DPP10: variants seen among roughly 807,000 people sequenced by gnomAD.
DPP10 encodes the protein dipeptidyl peptidase like 10.
A neutral mutation model predicts 120.9 loss-of-function variants in DPP10; 33 were observed. That is an observed-to-expected ratio of 0.27 (90% CI 0.21 to 0.37). DPP10 has a LOEUF of 0.37. Ranked by LOEUF, DPP10 falls within the 10% of genes least tolerant of loss-of-function variation. The pLI is 1.00. For missense variants in DPP10, 816 were observed against 942.8 expected, an observed-to-expected ratio of 0.87 and a Z score of 1.76; for synonymous variants, 337 against 326.1, an observed-to-expected ratio of 1.03 and a Z score of -0.36.
intron 1 of DPP10, among the ~76,000 whole-genome samples, chr2:114,517,970 T>C (rs1334869689): frequency 8.5e-5 from 13 of 152,182 alleles, no homozygotes; most frequent in Admixed American, 8.5e-4. Flanking sequence ...AGTCATTTCA[T>C]TTGTAGAGTC....
At chr2:115,022,500 G>A (rs1446213443) in intron 1 of DPP10, among the ~76,000 whole-genome samples, 1 of 152,016 alleles carries the variant, frequency 6.6e-6, no homozygotes, top group East Asian at 1.9e-4. Flanking sequence ...AGAAAACATA[G>A]ATGACACACA....
chr2:115,135,417 A>G lies in DPP10; in HGVS notation c.61-173822A>G, dbSNP rs187466323. ...TATTAATTATTACTTTCCTTATAAT[A>G]GCACCTCACCCATCTGTTTTATCCA... On this transcript the variant is annotated intron_variant, in intron 1 of 25. Transcript: ENST00000410059. Among the ~76,000 whole-genome samples the G allele has an allele frequency of 3.6e-3, 553 of 152,232 alleles. 5 individuals carry two copies. The highest frequency in any genetic ancestry group is 0.013 in the African/African-American group (531 of 41,526).
intron 3 of DPP10, among the ~76,000 whole-genome samples, chr2:115,407,160 C>T (rs777307171): frequency 6.6e-6 from 1 of 152,204 alleles, no homozygotes; most frequent in Non-Finnish European, 1.5e-5. Flanking sequence ...TCCTGAGCCT[C>T]TACCCTGTCT....
chr2:115,033,695 TCC>T (rs146694006), intron 1 of DPP10, among the ~76,000 whole-genome samples: 28 of 45,030 alleles, frequency 6.2e-4, no homozygotes, highest in South Asian at 1.7e-3. Flanking sequence ...ATATCTTCCC[TCC>T]TTTTTTTTTT....
chr2:114,834,504 C>T (rs141187974), intron 1 of DPP10, among the ~76,000 whole-genome samples: 34,383 of 145,560 alleles, frequency 0.24, 4,648 homozygotes, highest in East Asian at 0.34. Flanking sequence ...TATCTACGCA[C>T]CTATGTATAT....
At chr2:114,732,464 G>A (rs962401424) in intron 1 of DPP10, among the ~76,000 whole-genome samples, 7 of 152,200 alleles carry the variant, frequency 4.6e-5, no homozygotes, top group Non-Finnish European at 1.0e-4. Flanking sequence ...CACACACTGT[G>A]TGGGGATTGG....
chr2:115,145,806 G>T (rs1056974311), intron 1 of DPP10, among the ~76,000 whole-genome samples: 1 of 152,044 alleles, frequency 6.6e-6, no homozygotes, highest in Non-Finnish European at 1.5e-5. Flanking sequence ...ATTCGTGTCA[G>T]AATTTAGTGT....
intron 3 of DPP10, among the ~76,000 whole-genome samples, chr2:115,407,725 C>T (rs2068629382): frequency 6.6e-6 from 1 of 152,098 alleles, no homozygotes. Context: ...TTCTGGGTCC[C>T]CTTCCCCTGA....
chr2:114,555,724 A>G (rs1045835798), intron 1 of DPP10, among the ~76,000 whole-genome samples: 10 of 152,308 alleles, frequency 6.6e-5, no homozygotes, highest in South Asian at 6.2e-4. Context: ...GGTATAATAA[A>G]CTTCATATTT....
At chr2:115,436,630 A>G (rs1013339272) in intron 3 of DPP10, among the ~76,000 whole-genome samples, 3 of 151,868 alleles carry the variant, frequency 2.0e-5, no homozygotes, top group Non-Finnish European at 4.4e-5. Context: ...CCCATTTAGA[A>G]TCTTGGCAAG....
intron 5 of DPP10, among the ~76,000 whole-genome samples, chr2:115,681,400 A>C (rs1181546817): frequency 6.6e-6 from 1 of 151,758 alleles, no homozygotes; most frequent in Non-Finnish European, 1.5e-5. Flanking sequence ...ATTATGTATG[A>C]GGGTATAGTG....
chr2:115,544,899 G>GT (rs1012565212), intron 5 of DPP10, among the ~76,000 whole-genome samples: 2 of 152,042 alleles, frequency 1.3e-5, no homozygotes, highest in African/African-American at 2.4e-5. Flanking sequence ...GTTAAATACA[G>GT]AAAAGAGGCT....
rs1700216078 is a variant in DPP10 at position 114,983,560 on chromosome 2, G to T, written c.61-325679G>T. On this transcript the variant is annotated intron_variant, in intron 1 of 25. Transcript: ENST00000410059. ...CCATTAAGCTATTATAATATAAATT[G>T]CATTCCCCTAAGGTCATTTTAGCCT... Among the ~76,000 whole-genome samples, 3 of 152,046 alleles carry T rather than the reference G, an allele frequency of 2.0e-5. No homozygotes were observed. In the South Asian group the frequency reaches 6.2e-4, roughly 32 times the overall value.
At chr2:114,510,255 C>G (rs1342549208) in intron 1 of DPP10, among the ~76,000 whole-genome samples, 1 of 152,214 alleles carries the variant, frequency 6.6e-6, no homozygotes, top group East Asian at 1.9e-4. Flanking sequence ...CTTTTCTCAA[C>G]TTGGGCCTTC....
At chr2:114,635,125 A>G (rs991869417) in intron 1 of DPP10, among the ~76,000 whole-genome samples, 1 of 150,454 alleles carries the variant, frequency 6.6e-6, no homozygotes, top group African/African-American at 2.5e-5. Flanking sequence ...TAACTTCCTC[A>G]TTGTTTTTTT....
In DPP10 at chr2:115,790,013, G is replaced by T. The variant is rs114356803; in HGVS notation, c.1532-1068G>T. 7.1e-3 allele frequency among the ~76,000 whole-genome samples: 1,074 copies of T among 151,242 alleles called. 6 individuals carry two copies. Among genetic ancestry groups the T allele is most frequent in the Middle Eastern group, 0.014 (4 of 282 alleles). ...AATATGTACACATGGATATATGTGT[G>T]TACAATATGTATATATGCAAACATA... On this transcript the variant is annotated intron_variant, in intron 17 of 25. Coordinates refer to ENST00000410059, the MANE Select transcript of DPP10 (RefSeq NM_020868.6).
At chr2:115,779,380 G>A (rs781291192) in intron 15 of DPP10, among the ~76,000 whole-genome samples, 1 of 152,062 alleles carries the variant, frequency 6.6e-6, no homozygotes. Flanking sequence ...CCCAGAAAAT[G>A]CAATCAATGT....
chr2:115,488,807 C>A (rs2075913924), intron 3 of DPP10, among the ~76,000 whole-genome samples: 1 of 129,874 alleles, frequency 7.7e-6, no homozygotes, highest in Non-Finnish European at 1.6e-5. Context: ...GTGCAGCGCA[C>A]CAGCATGGCA....
chr2:115,314,042 A>G, intron 2 of DPP10, among the ~76,000 whole-genome samples: 1 of 152,218 alleles, frequency 6.6e-6, no homozygotes, highest in Non-Finnish European at 1.5e-5. Context: ...GTATGCATCT[A>G]CTTTGCAATC....
Sources: gnomAD v4.1 joint callset for allele counts (sites outside exome capture counted in the v4.1 genomes callset) on GRCh38, gnomAD v4.1.1 for gene constraint, MANE v1.5 for transcripts, NCBI Gene and HGNC (gene_info 2026-07-23, HGNC 2026-07-21) for gene names.